The following NT5M variants were observed in gnomAD, a reference collection of about 807,000 sequenced individuals.
NT5M encodes 5',3'-nucleotidase, mitochondrial.
In NT5M, 22 loss-of-function variants were observed where a neutral mutation model predicts 22.2. The ratio of observed to expected loss-of-function variants is 0.99; its 90% CI spans 0.71 to 1.41. The LOEUF (loss-of-function observed/expected upper bound fraction) is 1.41. NT5M is among the 40% of genes most tolerant of loss of function. The probability of loss-of-function intolerance (pLI) is 0.00; values close to 1 mark genes in which losing one functional copy is unlikely to be tolerated. For missense variants in NT5M, 322 were observed against 314.8 expected, an observed-to-expected ratio of 1.02 and a Z score of -0.17; for synonymous variants, 167 against 133.0, an observed-to-expected ratio of 1.26 and a Z score of -1.76.
At position 17,303,794 on chromosome 17, in the gene NT5M, G is replaced by C; in HGVS notation, c.244G>C (p.Gly82Arg). The C allele has an allele frequency of 6.5e-7, 1 of 1,542,418 alleles. No individual in the cohort carries two copies. The highest frequency in any genetic ancestry group is 1.2e-5 in the South Asian group (1 of 84,034). Reference sequence around the variant, plus strand: ...CGGCTTCTGGGTGTCGGAGCAGTACGGCCGCCTGCGGCCAGGGCTGAGCGT... The same window carrying C: ...CGGCTTCTGGGTGTCGGAGCAGTACCGCCGCCTGCGGCCAGGGCTGAGCGT... ...RRGFWVSEQY[G>R]RLRPGLSEKA... The change falls in exon 1 of 5, where the codon GGC becomes CGC. Residue 82 changes from glycine (G) to arginine (R), a missense_variant. Coordinates refer to ENST00000389022, the MANE Select transcript of NT5M (RefSeq NM_020201.4).
At chr17:17,317,681 T>C (rs2049059553) in intron 2 of NT5M, among the ~76,000 whole-genome samples, 1 of 152,128 alleles carries the variant, frequency 6.6e-6, no homozygotes, top group African/African-American at 2.4e-5. Context: ...CTCCAAATGT[T>C]AGGCCGGGCA....
In NT5M at chr17:17,303,694, C is replaced by T. The variant is rs1339178881; in HGVS notation, c.144C>T (p.Asp48=). 1.3e-6 allele frequency: 2 copies of T among 1,589,162 alleles called. No homozygotes were observed. Among genetic ancestry groups the T allele is most frequent in the Non-Finnish European group, 1.7e-6 (2 of 1,170,340 alleles). Residue 48 remains aspartate (D), a synonymous_variant, in exon 1 of 5, where the codon GAC becomes GAT. Coordinates refer to ENST00000389022, the MANE Select transcript of NT5M (RefSeq NM_020201.4). The stretch of plus-strand genomic sequence containing the variant: ...TGGACATGGACGGCGTGCTGGCTGA[C>T]TTCGAGGGCGGATTCCTCAGGAAGT... ...VLVDMDGVLA[D]FEGGFLRKFR...
intron 2 of NT5M, among the ~76,000 whole-genome samples, chr17:17,319,976 G>A (rs1250576358): frequency 2.0e-5 from 3 of 152,148 alleles, no homozygotes; most frequent in Non-Finnish European, 4.4e-5. Flanking sequence ...CCGAGTAGCT[G>A]GGACTACAGG....
intron 2 of NT5M, among the ~76,000 whole-genome samples, chr17:17,310,663 C>T (rs2145327659): frequency 6.6e-6 from 1 of 151,934 alleles, no homozygotes; most frequent in African/African-American, 2.4e-5. Context: ...TGGGGAGACC[C>T]TGCCTCCACT....
intron 2 of NT5M, among the ~76,000 whole-genome samples, chr17:17,316,006 T>G (rs1408043260): frequency 6.6e-6 from 1 of 151,608 alleles, no homozygotes; most frequent in Non-Finnish European, 1.5e-5. Flanking sequence ...CAGCCCGCCT[T>G]GGCCTCCCAA....
At chr17:17,317,037 G>A (rs552967239) in intron 2 of NT5M, among the ~76,000 whole-genome samples, 84 of 84,014 alleles carry the variant, frequency 1.0e-3, no homozygotes, top group Non-Finnish European at 2.0e-3. Context: ...TTTGTTTTTT[G>A]TTTTTGTTTT....
At chr17:17,338,261 C>T (rs934447706) in intron 3 of NT5M, among the ~76,000 whole-genome samples, 4 of 151,394 alleles carry the variant, frequency 2.6e-5, no homozygotes, top group African/African-American at 4.9e-5. Flanking sequence ...GGCACCATCT[C>T]GGCTCACTGC....
In NT5M at chr17:17,344,850, C is replaced by A. The variant is rs1224377713; in HGVS notation, c.486C>A (p.Thr162=). Residue 162 remains threonine (T), a synonymous_variant, in exon 4 of 5, where the codon ACC becomes ACA. Transcript: ENST00000389022. ...GPDFLEQIVL[T]RDKTVVSADL... is the part of the protein sequence containing the mutation. Reference sequence around the variant, plus strand: ...ACTTTCTGGAGCAGATTGTGCTGACCAGAGACAAGACCGTGGTCTCTGCTG... The same window carrying A: ...ACTTTCTGGAGCAGATTGTGCTGACAAGAGACAAGACCGTGGTCTCTGCTG... The A allele has an allele frequency of 6.2e-7, 1 of 1,614,110 alleles. No homozygotes were observed. Among genetic ancestry groups the A allele is most frequent in the Non-Finnish European group, 8.5e-7 (1 of 1,180,038 alleles).
intron 3 of NT5M, among the ~76,000 whole-genome samples, chr17:17,325,097 G>C (rs532413863): frequency 1.1e-4 from 17 of 152,300 alleles, no homozygotes; most frequent in African/African-American, 3.8e-4. Flanking sequence ...ATGTGGGTCT[G>C]ACGAGCCCGC....
Position 17,305,430 on chromosome 17 carries a change from A to G in NT5M, c.268-1113A>G, listed in dbSNP as rs969066169. Among the ~76,000 whole-genome samples, 3 of 93,036 alleles carry G rather than the reference A, an allele frequency of 3.2e-5. No individual in the cohort carries two copies. The East Asian group carries it at 1.1e-3, about 35-fold the overall frequency. The allele number at this position is 93,036 out of a possible 152,430, so 61.0% of individuals were successfully genotyped here. On this transcript the variant is annotated intron_variant, in intron 1 of 4. Transcript: ENST00000389022. ...CCCGCCCCCACACACGTGGCTCCTTATGTGTATGTAGGCATTTCTACTTTT... is the reference window on the plus strand; with the variant it reads ...CCCGCCCCCACACACGTGGCTCCTTGTGTGTATGTAGGCATTTCTACTTTT...
chr17:17,327,078 AT>A (rs111408448), intron 3 of NT5M, among the ~76,000 whole-genome samples: 3 of 36,294 alleles, frequency 8.3e-5, no homozygotes, highest in Admixed American at 6.0e-4. Flanking sequence ...CACCCGGCTA[AT>A]TTTTTTTTGT....
intron 3 of NT5M, among the ~76,000 whole-genome samples, chr17:17,330,666 G>A (rs1302124863): frequency 6.6e-6 from 1 of 151,670 alleles, no homozygotes; most frequent in Non-Finnish European, 1.5e-5. Flanking sequence ...GTGAGCCACC[G>A]CGCCTGGCCA....
In NT5M at chr17:17,317,284, G is replaced by T. The variant is rs11869054; in HGVS notation, c.369-5901G>T. The stretch of plus-strand genomic sequence containing the variant: ...CAGGTTAGTCTCGATCTCCTGACCT[G>T]GTGATCTGCCCACCTCGGCCTCCCA... On this transcript the variant is annotated intron_variant, in intron 2 of 4. Coordinates refer to ENST00000389022, the MANE Select transcript of NT5M (RefSeq NM_020201.4). Among the ~76,000 whole-genome samples the T allele has an allele frequency of 4.0e-5, 6 of 151,274 alleles. 1 individual carries two copies. Among genetic ancestry groups the T allele is most frequent in the Admixed American group, 3.9e-4 (6 of 15,208 alleles).
In NT5M at chr17:17,303,379, GGGCC is replaced by G. The variant is rs1159228980; in HGVS notation, c.-169_-166del. ...CCGCGCGCGCCGCGGCCTCGCTCTG[GGGCC>G]GGTACTTGCGCGCCCGCACCCCGCG... On this transcript the variant is annotated 5_prime_UTR_variant, in exon 1 of 5. Coordinates refer to ENST00000389022, the MANE Select transcript of NT5M (RefSeq NM_020201.4). 1.3e-6 allele frequency: 1 copy of G among 772,274 alleles called. No individual in the cohort carries two copies. The highest frequency in any genetic ancestry group is 6.1e-5 in the Admixed American group (1 of 16,398). The allele number at this position is 772,274 out of a possible 1,614,324, so 47.8% of individuals were successfully genotyped here.
intron 2 of NT5M, among the ~76,000 whole-genome samples, chr17:17,321,532 G>A (rs1201780183): frequency 6.6e-6 from 1 of 151,946 alleles, no homozygotes; most frequent in Non-Finnish European, 1.5e-5. Context: ...GAGGAAATGG[G>A]GCGGGTGTGT....
At chr17:17,333,833 TA>T (rs1370789706) in intron 3 of NT5M, among the ~76,000 whole-genome samples, 3 of 141,850 alleles carry the variant, frequency 2.1e-5, no homozygotes, top group African/African-American at 5.4e-5. Flanking sequence ...AATGTTTTTG[TA>T]TTTTTTTTTT....
chr17:17,304,400 C>T (rs2048748288), intron 1 of NT5M: 1 of 985,278 alleles, frequency 1.0e-6, no homozygotes. Context: ...CAACCCCTAC[C>T]ATCCGACTCC....
intron 2 of NT5M, among the ~76,000 whole-genome samples, chr17:17,312,273 A>G (rs2048935529): frequency 6.6e-6 from 1 of 152,204 alleles, no homozygotes; most frequent in Non-Finnish European, 1.5e-5. Flanking sequence ...TCACCATAGT[A>G]CTTTTCAGAG....
At chr17:17,334,538 G>A (rs1025032070) in intron 3 of NT5M, among the ~76,000 whole-genome samples, 1 of 150,442 alleles carries the variant, frequency 6.6e-6, no homozygotes, top group Middle Eastern at 3.4e-3. Context: ...GAGTGCAGTG[G>A]TGTGATCTCG....
Sources: allele counts gnomAD v4.1 joint callset (sites outside exome capture counted in the v4.1 genomes callset), GRCh38; gene constraint gnomAD v4.1.1; transcripts MANE v1.5; gene names NCBI Gene and HGNC (gene_info 2026-07-23, HGNC 2026-07-21).